Variants in AR observed in about 807,000 individuals in gnomAD.
AR encodes dihydrotestosterone receptor.
A neutral mutation model predicts 53.9 loss-of-function variants in AR; 8 were observed. That is an observed-to-expected ratio of 0.15 (90% CI 0.09 to 0.27). AR has a LOEUF of 0.27. Among genes scored for constraint, AR ranks in the 10% least tolerant of loss-of-function variants. AR has a pLI of 1.00. For missense variants in AR, 639 were observed against 742.5 expected (o/e 0.86, Z 1.62); for synonymous variants, 359 against 316.4 (o/e 1.13, Z -1.43).
At chrX:67,670,664 G>T (rs2075859458) in intron 2 of AR, among the ~76,000 whole-genome samples, 1 of 109,521 alleles carries the variant, frequency 9.1e-6, no homozygotes, top group Non-Finnish European at 1.9e-5. Flanking sequence ...TTCTTACATA[G>T]GTATACTCGT....
intron 1 of AR, among the ~76,000 whole-genome samples, chrX:67,569,859 A>G (rs904751612): frequency 1.8e-5 from 2 of 110,491 alleles, no homozygotes; most frequent in Non-Finnish European, 3.8e-5. Flanking sequence ...GCTTCTAGGT[A>G]TGTCTTTTTC....
intron 1 of AR, among the ~76,000 whole-genome samples, chrX:67,578,791 A>G (rs948511538): frequency 1.8e-5 from 2 of 111,927 alleles, no homozygotes; most frequent in African/African-American, 6.5e-5. Flanking sequence ...GCATAGACAG[A>G]ATGGGCTGGG....
chrX:67,574,015 A>G (rs898889251), intron 1 of AR, among the ~76,000 whole-genome samples: 4 of 111,959 alleles, frequency 3.6e-5, no homozygotes, highest in Admixed American at 1.9e-4. Flanking sequence ...AGAAGACAAA[A>G]TTCTTTCCAT....
chrX:67,584,707 G>A (rs1233305062), intron 1 of AR, among the ~76,000 whole-genome samples: 1 of 111,723 alleles, frequency 9.0e-6, no homozygotes, highest in Non-Finnish European at 1.9e-5. Flanking sequence ...AGAAAGGTTG[G>A]GAAAATATAA....
At chrX:67,615,298 G>A (rs908174928) in intron 1 of AR, among the ~76,000 whole-genome samples, 3 of 110,719 alleles carry the variant, frequency 2.7e-5, no homozygotes, top group Non-Finnish European at 5.7e-5. Flanking sequence ...TCAAAATATT[G>A]GAGTCAAATA....
At chrX:67,559,540 A>G (rs749216236) in intron 1 of AR, among the ~76,000 whole-genome samples, 5 of 112,427 alleles carry the variant, frequency 4.4e-5, no homozygotes, top group Non-Finnish European at 1.9e-5. Context: ...GAAGTCATGA[A>G]TGTGGTTGTC....
intron 1 of AR, among the ~76,000 whole-genome samples, chrX:67,554,915 CAAA>C (rs749297941): frequency 1.6e-4 from 9 of 57,056 alleles, no homozygotes; most frequent in Admixed American, 4.5e-4. Flanking sequence ...CAGGCTCCGT[CAAA>C]AAAAAAAAAA....
rs934885925 is a variant in AR at position 67,561,440 on chromosome X, A to G, written c.1616+14678A>G. 3.6e-5 allele frequency among the ~76,000 whole-genome samples: 4 copies of G among 112,519 alleles called. No homozygotes were observed. In the East Asian group the frequency reaches 8.3e-4, roughly 23 times the overall value. On this transcript the variant is annotated intron_variant, in intron 1 of 7. Coordinates refer to ENST00000374690, the MANE Select transcript of AR (RefSeq NM_000044.6). ...AATAACAATTCGACAGTAAAAAAATACAAATAAAATTATGTAAAACAACTA... is the reference window on the plus strand; with the variant it reads ...AATAACAATTCGACAGTAAAAAAATGCAAATAAAATTATGTAAAACAACTA...
chrX:67,546,867 C>T lies in AR; in HGVS notation c.1616+105C>T, dbSNP rs1339308050. The T allele has an allele frequency of 1.1e-5, 10 of 932,289 alleles. No individual in the cohort carries two copies. In the East Asian group the frequency reaches 3.4e-4, roughly 32 times the overall value. The allele number at this position is 932,289 out of a possible 1,213,427, so 76.8% of individuals were successfully genotyped here. ...ACCTGCGCGAACACTCAGATTGCCC[C>T]TGGGAGAGCTCAGCAGGGTAAACCT... is the stretch of plus-strand genomic sequence containing the variant. On this transcript the variant is annotated intron_variant, in intron 1 of 7. Coordinates refer to ENST00000374690, the MANE Select transcript of AR (RefSeq NM_000044.6).
intron 6 of AR, 66 bp from the exon 7 acceptor site, chrX:67,722,761 G>A (rs2147537371): frequency 8.5e-7 from 1 of 1,174,610 alleles, no homozygotes; most frequent in Non-Finnish European, 1.2e-6. Context: ...AGAAAACTTG[G>A]TGCTTTGTCT....
intron 3 of AR, among the ~76,000 whole-genome samples, chrX:67,700,571 G>A (rs184505869): frequency 3.2e-4 from 36 of 111,756 alleles, no homozygotes; most frequent in Admixed American, 2.9e-3. Flanking sequence ...AACACCTGGT[G>A]CAGCTAGGGC....
chrX:67,607,359 G>A (rs988407053), intron 1 of AR, among the ~76,000 whole-genome samples: 1 of 111,740 alleles, frequency 8.9e-6, no homozygotes, highest in African/African-American at 3.3e-5. Flanking sequence ...CAGTGAGCTT[G>A]GATTAGAACA....
At chrX:67,674,326 C>T (rs1337197278) in intron 2 of AR, among the ~76,000 whole-genome samples, 1 of 110,259 alleles carries the variant, frequency 9.1e-6, no homozygotes, top group African/African-American at 3.3e-5. Flanking sequence ...CCAACGCCCA[C>T]AGAGACCACT....
At chrX:67,685,978 A>T (rs2147497284) in intron 2 of AR, 32 bp from the exon 3 acceptor site, 2 of 1,209,362 alleles carry the variant, frequency 1.7e-6, no homozygotes, top group South Asian at 3.5e-5. Context: ...ACTCATTATC[A>T]GGTCTATCAA....
At chrX:67,705,272 C>G (rs1473639909) in intron 3 of AR, among the ~76,000 whole-genome samples, 1 of 111,278 alleles carries the variant, frequency 9.0e-6, no homozygotes, top group Non-Finnish European at 1.9e-5. Context: ...TTCTTCCTAC[C>G]CATGAGCATG....
intron 1 of AR, among the ~76,000 whole-genome samples, chrX:67,553,456 GT>G (rs764812009): frequency 2.7e-5 from 3 of 111,856 alleles, no homozygotes; most frequent in African/African-American, 6.5e-5. Flanking sequence ...ATTATTGTAG[GT>G]TTTTAGTGAG....
intron 1 of AR, among the ~76,000 whole-genome samples, chrX:67,590,905 A>G (rs1246239251): frequency 8.9e-6 from 1 of 112,183 alleles, no homozygotes; most frequent in Non-Finnish European, 1.9e-5. Context: ...AATGACAGGA[A>G]ATTGGCTGCG....
intron 1 of AR, among the ~76,000 whole-genome samples, chrX:67,631,084 A>G (rs1018597334): frequency 1.8e-4 from 20 of 110,318 alleles, no homozygotes; most frequent in Non-Finnish European, 2.8e-4. Flanking sequence ...TTTTTCCTTC[A>G]TTTCAACTTT....
At chrX:67,563,891 C>T (rs1009137525) in intron 1 of AR, among the ~76,000 whole-genome samples, 1 of 111,456 alleles carries the variant, frequency 9.0e-6, no homozygotes. Flanking sequence ...GGGGCCCCTA[C>T]ATTTAAACTA....
Sources: allele counts gnomAD v4.1 joint callset (sites outside exome capture counted in the v4.1 genomes callset), GRCh38; gene constraint gnomAD v4.1.1; transcripts MANE v1.5; gene names NCBI Gene and HGNC (gene_info 2026-07-23, HGNC 2026-07-21).